The following SI variants were observed in gnomAD, a reference collection of about 807,000 sequenced individuals.
SI encodes the protein sucrase-isomaltase, intestinal.
Under a neutral mutation model 253.3 loss-of-function variants are expected in SI, and 235 were observed. The observed-to-expected ratio is 0.93, with a 90% confidence interval of 0.83 to 1.03. The LOEUF is 1.03. SI is among the 50% of genes least tolerant of loss of function. The pLI is 0.00. For synonymous variants in SI, 819 were observed against 712.0 expected (o/e 1.15, Z -2.39); for missense variants, 2,442 against 2,211.1 (o/e 1.10, Z -2.09).
chr3:165,046,757 C>G, intron 16 of SI, 84 bp downstream of exon 16: 6 of 1,164,836 alleles, frequency 5.2e-6, no homozygotes, highest in South Asian at 4.0e-5. Context: ...GCCTTTTGAT[C>G]ATTTTACTAA....
chr3:165,044,694 T>C (rs1713021198), intron 16 of SI, among the ~76,000 whole-genome samples: 1 of 151,982 alleles, frequency 6.6e-6, no homozygotes, highest in Admixed American at 6.6e-5. Context: ...TCCTGGTGAG[T>C]TGCTTTTAAT....
chr3:164,987,260 T>C lies in SI; in HGVS notation c.5109-34A>G, dbSNP rs762670040. 3.2e-6 allele frequency: 5 copies of C among 1,538,822 alleles called. No individual in the cohort carries two copies. In the East Asian group the frequency reaches 1.1e-4, roughly 35 times the overall value. Reference sequence around the variant, plus strand: ...AAGAAATATATAATTTTACCCATGTTTGTAGAATAGCATATGTCTAGTTAT... The same window carrying C: ...AAGAAATATATAATTTTACCCATGTCTGTAGAATAGCATATGTCTAGTTAT... On this transcript the variant is annotated intron_variant, in intron 44 of 47. Coordinates refer to ENST00000264382, the MANE Select transcript of SI (RefSeq NM_001041.4).
At chr3:165,032,734 A>T (rs1712317178) in intron 23 of SI, 42 bp from the exon 24 acceptor site, 1 of 1,345,722 alleles carries the variant, frequency 7.4e-7, no homozygotes, top group East Asian at 2.4e-5. Context: ...AGGTCATCAG[A>T]TACAAACCTG....
chr3:164,982,414 T>C lies in SI; in HGVS notation c.5248-4A>G. 1 of 1,602,472 alleles carries C rather than the reference T, an allele frequency of 6.2e-7. No homozygotes were observed. The highest frequency in any genetic ancestry group is 1.1e-5 in the South Asian group (1 of 90,698). On this transcript the variant is annotated splice_region_variant and splice_polypyrimidine_tract_variant and intron_variant, in intron 46 of 47. Transcript: ENST00000264382. ...ATATAGTGCTTGTTAAGGTGGTCTA[T>C]AAATAAAGAAAAAGGAATAACATAA...
intron 33 of SI, among the ~76,000 whole-genome samples, chr3:165,013,890 C>G (rs1185888518): frequency 6.6e-6 from 1 of 151,982 alleles, no homozygotes; most frequent in East Asian, 1.9e-4. Context: ...CCATGCCTAG[C>G]TAATTTTTAA....
the SI span, among the ~76,000 whole-genome samples, chr3:165,087,682 T>C: frequency 1.3e-5 from 2 of 152,190 alleles, no homozygotes; most frequent in Non-Finnish European, 2.9e-5. Flanking sequence ...AGTTTTATAC[T>C]TTTTACCTCA....
rs773971913 is a variant in SI at position 165,059,070 on chromosome 3, A to G, written c.1291T>C (p.Ser431Pro). The change falls in exon 12 of 48, where the codon TCC (serine) becomes CCC (proline). Residue 431 changes from serine (S) to proline (P), a missense_variant. Transcript: ENST00000264382. ...GTTCCATTGGCACGTCGACCTATGG[A>G]AATTGCAGGGTCCTAATAATAGAAA... is the stretch of plus-strand genomic sequence containing the variant. ...KYVIILDPAI[S>P]IGRRANGTTY... 6.2e-7 allele frequency: 1 copy of G among 1,612,552 alleles called. No homozygotes were observed. Among genetic ancestry groups the G allele is most frequent in the African/African-American group, 1.3e-5 (1 of 74,956 alleles).
At chr3:165,000,857 G>A (rs1295025041) in intron 37 of SI, among the ~76,000 whole-genome samples, 1 of 151,314 alleles carries the variant, frequency 6.6e-6, no homozygotes, top group Non-Finnish European at 1.5e-5. Context: ...TGACATTGGA[G>A]AGTTCAGCTT....
chr3:165,048,084 A>G (rs146145833), intron 15 of SI, among the ~76,000 whole-genome samples: 239 of 152,190 alleles, frequency 1.6e-3, no homozygotes, highest in African/African-American at 5.3e-3. Flanking sequence ...TTACAAAGTA[A>G]ATTGAAGTAA....
At chr3:165,040,196 G>T (rs1048392164) in intron 18 of SI, among the ~76,000 whole-genome samples, 1 of 150,726 alleles carries the variant, frequency 6.6e-6, no homozygotes, top group African/African-American at 2.4e-5. Flanking sequence ...GAGTAGAAGA[G>T]GGAGAAAGGA....
intron 37 of SI, among the ~76,000 whole-genome samples, chr3:165,002,059 C>T (rs1219791848): frequency 6.6e-6 from 1 of 151,476 alleles, no homozygotes; most frequent in Non-Finnish European, 1.5e-5. Context: ...CAGAGGGAGT[C>T]AAAGATGTTT....
At chr3:165,068,234 T>C (rs774528247) in intron 5 of SI, among the ~76,000 whole-genome samples, 2 of 152,190 alleles carry the variant, frequency 1.3e-5, no homozygotes, top group Non-Finnish European at 2.9e-5. Flanking sequence ...AGAATGTTTA[T>C]TTTCTTCAAG....
intron 26 of SI, 56 bp downstream of exon 26, chr3:165,023,514 C>T: frequency 8.6e-7 from 1 of 1,167,936 alleles, no homozygotes; most frequent in Non-Finnish European, 1.3e-6. Flanking sequence ...CAGGATTATT[C>T]AAAATCTCAT....
chr3:165,052,185 A>C (rs1713466926), intron 13 of SI, among the ~76,000 whole-genome samples: 1 of 152,136 alleles, frequency 6.6e-6, no homozygotes, highest in Non-Finnish European at 1.5e-5. Flanking sequence ...GGCATTTTGA[A>C]AATTATAAAA....
chr3:164,994,340 T>C lies in SI; in HGVS notation c.4758A>G (p.Arg1586=). 6.2e-7 allele frequency: 1 copy of C among 1,611,022 alleles called. No individual in the cohort carries two copies. The part of the protein sequence containing the change: ...AEMSRNILNI[R]YTLLPYFYTQ... ...TGTAAAAATAGGGCAATAAGGTGTA[T>C]CTAATATTTAGAATATTCCTTGACA... Residue 1586 remains arginine (R), a synonymous_variant, in exon 41 of 48, where the codon AGA becomes AGG. Coordinates refer to ENST00000264382, the MANE Select transcript of SI (RefSeq NM_001041.4).
intron 12 of SI, among the ~76,000 whole-genome samples, chr3:165,057,536 A>G: frequency 6.6e-6 from 1 of 152,010 alleles, no homozygotes; most frequent in Non-Finnish European, 1.5e-5. Flanking sequence ...CAAGACATTT[A>G]ATAATTAAAT....
chr3:164,993,149 T>C (rs1245679557), intron 41 of SI, among the ~76,000 whole-genome samples: 1 of 151,720 alleles, frequency 6.6e-6, no homozygotes, highest in African/African-American at 2.4e-5. Context: ...CGAGGTAATC[T>C]CAATAGAACA....
At chr3:164,987,055 C>T in intron 45 of SI, 83 bp downstream of exon 45, 1 of 1,093,426 alleles carries the variant, frequency 9.1e-7, no homozygotes, top group Non-Finnish European at 1.4e-6. Context: ...TACTCAGCTT[C>T]CAAAGAACAA....
At chr3:165,061,138 G>C (rs1192520369) in intron 9 of SI, among the ~76,000 whole-genome samples, 1 of 151,588 alleles carries the variant, frequency 6.6e-6, no homozygotes, top group Non-Finnish European at 1.5e-5. Context: ...TCATATATGT[G>C]TGAAGAATCA....
Sources: gnomAD v4.1 joint callset for allele counts (sites outside exome capture counted in the v4.1 genomes callset) on GRCh38, gnomAD v4.1.1 for gene constraint, MANE v1.5 for transcripts, NCBI Gene and HGNC (gene_info 2026-07-23, HGNC 2026-07-21) for gene names.